N4BP2L1: variants seen among roughly 807,000 people sequenced by gnomAD.
N4BP2L1 encodes the protein NEDD4 binding protein 2 like 1.
In N4BP2L1, 12 loss-of-function variants were observed where a neutral mutation model predicts 21.2. That is an observed-to-expected ratio of 0.57 (90% CI 0.36 to 0.92). The LOEUF is 0.92. Ranked by LOEUF, N4BP2L1 falls within the 40% of genes least tolerant of loss-of-function variation. The pLI is 0.01. For synonymous variants in N4BP2L1, 104 were observed against 112.8 expected (o/e 0.92, Z 0.49); for missense variants, 259 against 310.6 (o/e 0.83, Z 1.25).
intron 1 of N4BP2L1, among the ~76,000 whole-genome samples, chr13:32,414,327 C>A (rs506287): frequency 0.026 from 3,918 of 152,216 alleles, 181 homozygotes; most frequent in African/African-American, 0.09. Flanking sequence ...AACCAATGGT[C>A]TATGGTTAGG....
chr13:32,404,052 A>T, intron 4 of N4BP2L1: 1 of 1,098,744 alleles, frequency 9.1e-7, no homozygotes, highest in Non-Finnish European at 1.3e-6. Flanking sequence ...ATGTTCCTTG[A>T]TGAAGAAGCA....
rs151330264 is a variant in N4BP2L1 at position 32,414,728 on chromosome 13, A to T, written c.180-6956T>A. Reference sequence around the variant, plus strand: ...ACCTTTATAACAATTTTATGAAGTAAATCATTTACTTTTACTTGGTTTACA... The same window carrying T: ...ACCTTTATAACAATTTTATGAAGTATATCATTTACTTTTACTTGGTTTACA... On this transcript the variant is annotated intron_variant, in intron 1 of 4. Transcript: ENST00000380130. 8.9e-3 allele frequency among the ~76,000 whole-genome samples: 1,349 copies of T among 152,300 alleles called. 17 individuals carry two copies. Among genetic ancestry groups the T allele is most frequent in the African/African-American group, 0.031 (1,288 of 41,554 alleles).
chr13:32,420,578 T>C (rs558290112), intron 1 of N4BP2L1: 1 of 152,366 alleles, frequency 6.6e-6, no homozygotes, highest in African/African-American at 2.4e-5. Context: ...CATTTTCACC[T>C]GCAACAAATA....
chr13:32,402,971 T>C lies in N4BP2L1; in HGVS notation c.703A>G (p.Arg235Gly). ...TATCCATGGTGACAACCGCCCCTTC[T>C]GTGATAGGAGCTCTCATTTGTAAAT... ...GGFTNESSYHRRGGCHHGY is the reference protein window; with the variant it reads ...GGFTNESSYHGRGGCHHGY Residue 235 changes from arginine to glycine, a missense_variant, in exon 5 of 5, where the codon AGA becomes GGA. By Grantham distance (125) the Arg-to-Gly change is moderately radical. Transcript: ENST00000380130. 6.2e-7 allele frequency: 1 copy of C among 1,611,606 alleles called. No homozygotes were observed. Among genetic ancestry groups the C allele is most frequent in the Non-Finnish European group, 8.5e-7 (1 of 1,178,284 alleles).
chr13:32,412,640 T>TC (rs375611593), intron 1 of N4BP2L1, among the ~76,000 whole-genome samples: 2,515 of 123,182 alleles, frequency 0.02, 86 homozygotes, highest in African/African-American at 0.071. Flanking sequence ...CTCAACTGTC[T>TC]CAAAAAAAAA....
At chr13:32,407,138 A>T in intron 3 of N4BP2L1, 112 bp downstream of exon 3, 2 of 1,103,426 alleles carry the variant, frequency 1.8e-6, no homozygotes, top group African/African-American at 1.6e-5. Flanking sequence ...TGGGAGAACC[A>T]CTGTTAGCAA....
At chr13:32,407,609 C>T in intron 2 of N4BP2L1, 36 bp downstream of exon 2, 2 of 1,610,080 alleles carry the variant, frequency 1.2e-6, no homozygotes, top group Non-Finnish European at 1.7e-6. Context: ...ATGTGCACAT[C>T]AGGGTTTCCC....
At position 32,402,466 on chromosome 13, in the gene N4BP2L1, T is replaced by G; in HGVS notation, c.*476A>C. On this transcript the variant is annotated 3_prime_UTR_variant, in exon 5 of 5. Coordinates refer to ENST00000380130, the MANE Select transcript of N4BP2L1 (RefSeq NM_052818.3). ...TATCATAAGAGTCGCACATCTCACA[T>G]TTTTAGATACATAGATTATCAAAGT... is the stretch of plus-strand genomic sequence containing the variant. 1.0e-6 allele frequency: 1 copy of G among 973,930 alleles called. No homozygotes were observed. Among genetic ancestry groups the G allele is most frequent in the Non-Finnish European group, 1.2e-6 (1 of 819,900 alleles). 60.3% of individuals were successfully genotyped at this position (973,930 alleles called of 1,614,324 possible). A position where few individuals can be genotyped will look rare whatever the true frequency, so the allele number is the denominator to read the frequency against.
chr13:32,424,214 C>G (rs940410926), intron 1 of N4BP2L1, among the ~76,000 whole-genome samples: 2 of 152,184 alleles, frequency 1.3e-5, no homozygotes, highest in Admixed American at 6.5e-5. Flanking sequence ...TACAATGAAG[C>G]CTTCACTTCA....
chr13:32,403,582 G>T, intron 4 of N4BP2L1: 1 of 453,178 alleles, frequency 2.2e-6, no homozygotes. Flanking sequence ...ATTTCTAGGA[G>T]ATACTTATTA....
At chr13:32,407,471 T>C (rs1235132669) in intron 2 of N4BP2L1, 133 bp from the exon 3 acceptor site, 9 of 1,577,812 alleles carry the variant, frequency 5.7e-6, no homozygotes, top group Non-Finnish European at 7.7e-6. Context: ...CCACTATCAA[T>C]CAATAATTTT....
At chr13:32,418,702 A>G (rs1253835617) in intron 1 of N4BP2L1, among the ~76,000 whole-genome samples, 1 of 152,234 alleles carries the variant, frequency 6.6e-6, no homozygotes, top group African/African-American at 2.4e-5. Flanking sequence ...ACAGGGGTGG[A>G]GCTGCCCAAG....
At chr13:32,422,690 C>T (rs939381606) in intron 1 of N4BP2L1, among the ~76,000 whole-genome samples, 8 of 152,136 alleles carry the variant, frequency 5.3e-5, no homozygotes, top group Non-Finnish European at 1.2e-4. Context: ...CAAGCACATA[C>T]CACGCTGTAT....
At chr13:32,412,620 G>C (rs1224994916) in intron 1 of N4BP2L1, among the ~76,000 whole-genome samples, 1 of 139,062 alleles carries the variant, frequency 7.2e-6, no homozygotes, top group African/African-American at 2.7e-5. Flanking sequence ...GTGACAGAGC[G>C]AAACTCTGTC....
At chr13:32,416,583 C>T (rs1374246143) in intron 1 of N4BP2L1, 1 of 152,166 alleles carries the variant, frequency 6.6e-6, no homozygotes, top group Admixed American at 6.6e-5. Context: ...TTTGAGAGAA[C>T]AGAGCAGAGC....
chr13:32,422,340 T>C (rs1045083083), intron 1 of N4BP2L1, among the ~76,000 whole-genome samples: 2 of 144,052 alleles, frequency 1.4e-5, no homozygotes, highest in Admixed American at 7.2e-5. Context: ...CCTCTTCTTT[T>C]GGGGTACACA....
chr13:32,413,449 T>A (rs2073968003), intron 1 of N4BP2L1, among the ~76,000 whole-genome samples: 1 of 152,182 alleles, frequency 6.6e-6, no homozygotes, highest in South Asian at 2.1e-4. Flanking sequence ...AAATGTTTTT[T>A]AAAAGCAAAG....
chr13:32,410,631 T>C (rs891140197), intron 1 of N4BP2L1, among the ~76,000 whole-genome samples: 5 of 152,212 alleles, frequency 3.3e-5, no homozygotes, highest in African/African-American at 7.2e-5. Context: ...CAAACAATTA[T>C]ACAGACAGGA....
chr13:32,427,755 C>G, intron 1 of N4BP2L1, 149 bp downstream of exon 1: 1 of 340,282 alleles, frequency 2.9e-6, no homozygotes, highest in African/African-American at 2.2e-5. Context: ...CAGGCTCAGG[C>G]TTGGGCTGGG....
Sources: allele counts gnomAD v4.1 joint callset (sites outside exome capture counted in the v4.1 genomes callset), GRCh38; gene constraint gnomAD v4.1.1; transcripts MANE v1.5; gene names NCBI Gene and HGNC (gene_info 2026-07-23, HGNC 2026-07-21).